The following TRAPPC3 variants were observed in gnomAD, a reference collection of about 807,000 sequenced individuals.
The protein encoded by TRAPPC3 is trafficking protein particle complex subunit 3.
In TRAPPC3, 5 loss-of-function variants were observed where a neutral mutation model predicts 18.2. The observed-to-expected ratio is 0.28, with a 90% CI of 0.14 to 0.58. The LOEUF (loss-of-function observed/expected upper bound fraction) is 0.58, where lower values mean the gene tolerates loss of function less well. Among genes scored for constraint, TRAPPC3 ranks in the 20% least tolerant of loss-of-function variants. TRAPPC3 has a pLI of 0.91. For synonymous variants in TRAPPC3, 65 were observed against 84.2 expected, an observed-to-expected ratio of 0.77 and a Z score of 1.25; for missense variants, 176 against 225.9, an observed-to-expected ratio of 0.78 and a Z score of 1.41.
chr1:36,143,696 G>A (rs1326982625), intron 1 of TRAPPC3, among the ~76,000 whole-genome samples: 1 of 152,172 alleles, frequency 6.6e-6, no homozygotes, highest in East Asian at 1.9e-4. Context: ...GAGGTTAGCA[G>A]AACAAATATT....
chr1:36,137,336 G>A lies in TRAPPC3; in HGVS notation c.424-14C>T, dbSNP rs764572529. The A allele has an allele frequency of 1.2e-5, 20 of 1,605,046 alleles. No individual in the cohort carries two copies. The highest frequency in any genetic ancestry group is 1.7e-5 in the Non-Finnish European group (20 of 1,172,508). On this transcript the variant is annotated splice_polypyrimidine_tract_variant and intron_variant, in intron 4 of 4. Coordinates refer to ENST00000373166, the MANE Select transcript of TRAPPC3 (RefSeq NM_014408.5). ...AGCCATCTGGACCTGGGGGACAGTG[G>A]GAAAACGAAGGGGTAGCTGCCTGGC...
At chr1:36,139,858 A>C in intron 2 of TRAPPC3, 39 bp from the exon 3 acceptor site, 1 of 1,611,450 alleles carries the variant, frequency 6.2e-7, no homozygotes, top group Non-Finnish European at 8.5e-7. Flanking sequence ...GATGGAGTCT[A>C]AATGTCTTAT....
chr1:36,142,599 C>G (rs920388047), intron 1 of TRAPPC3, among the ~76,000 whole-genome samples: 1 of 152,148 alleles, frequency 6.6e-6, no homozygotes, highest in Admixed American at 6.6e-5. Context: ...CCTGGGATCT[C>G]GGAATGGGAT....
chr1:36,151,158 G>A (rs933722179), upstream of TRAPPC3, among the ~76,000 whole-genome samples: 1 of 152,168 alleles, frequency 6.6e-6, no homozygotes, highest in African/African-American at 2.4e-5. Context: ...CATTAGTCCT[G>A]AATGAACAGT....
upstream of TRAPPC3, among the ~76,000 whole-genome samples, chr1:36,150,068 G>T (rs2231304): frequency 1.3e-5 from 2 of 152,190 alleles, no homozygotes; most frequent in Admixed American, 1.3e-4. Flanking sequence ...AGTCTTTTAG[G>T]TAAAGTTCAA....
intron 2 of TRAPPC3, 27 bp downstream of exon 2, chr1:36,140,042 G>C: frequency 6.4e-7 from 1 of 1,561,620 alleles, no homozygotes. Flanking sequence ...CCCCATTTCT[G>C]TCTCTCCTAT....
chr1:36,139,886 T>C, intron 2 of TRAPPC3, 67 bp from the exon 3 acceptor site: 1 of 1,590,444 alleles, frequency 6.3e-7, no homozygotes, highest in Admixed American at 1.8e-5. Flanking sequence ...CATAAGGTTG[T>C]TGGTGGTAAA....
chr1:36,137,559 G>A (rs1644043365), intron 4 of TRAPPC3: 2 of 636,112 alleles, frequency 3.1e-6, no homozygotes, highest in Admixed American at 3.0e-5. Context: ...GCCTATCTGA[G>A]AATGGATGTT....
At chr1:36,154,506 G>A (rs1447464541), upstream of TRAPPC3, among the ~76,000 whole-genome samples, 1 of 152,204 alleles carries the variant, frequency 6.6e-6, no homozygotes, top group Non-Finnish European at 1.5e-5. Flanking sequence ...AGCTCTGGAA[G>A]AGGCAGGCTG....
chr1:36,137,631 T>C (rs1000030864), intron 4 of TRAPPC3, 165 bp downstream of exon 4: 3 of 755,088 alleles, frequency 4.0e-6, no homozygotes, highest in South Asian at 1.9e-5. Flanking sequence ...AGTATCACCA[T>C]GTAAAGATGT....
chr1:36,152,896 C>T (rs1468499834), upstream of TRAPPC3, among the ~76,000 whole-genome samples: 1 of 152,188 alleles, frequency 6.6e-6, no homozygotes, highest in Non-Finnish European at 1.5e-5. Context: ...AAGTGATCTA[C>T]CTGCACTGGC....
At chr1:36,150,800 G>C (rs1291577050), upstream of TRAPPC3, among the ~76,000 whole-genome samples, 1 of 152,218 alleles carries the variant, frequency 6.6e-6, no homozygotes, top group Non-Finnish European at 1.5e-5. Flanking sequence ...GGGTTGGTTG[G>C]GGTTGGGGGA....
At chr1:36,151,042 T>A (rs1258351618), upstream of TRAPPC3, among the ~76,000 whole-genome samples, 1 of 151,980 alleles carries the variant, frequency 6.6e-6, no homozygotes, top group Non-Finnish European at 1.5e-5. Flanking sequence ...CTAGAGAGAG[T>A]GGAGGTGGAG....
In TRAPPC3 at chr1:36,144,748, G is replaced by A. The variant is rs151057035; in HGVS notation, c.43-4582C>T. Among the ~76,000 whole-genome samples, 88 of 152,300 alleles carry A rather than the reference G, an allele frequency of 5.8e-4. 1 individual carries two copies. The East Asian group carries it at 9.6e-3, about 17-fold the overall frequency. ...GCCTCAATCTTCTAACTCAAAAAAA[G>A]TAACAGTAAAACAGTAAAATCTGTC... On this transcript the variant is annotated intron_variant, in intron 1 of 4. Coordinates refer to ENST00000373166, the MANE Select transcript of TRAPPC3 (RefSeq NM_014408.5).
Position 36,149,358 on chromosome 1 carries a change from A to G in TRAPPC3, c.21T>C (p.Arg7=), listed in dbSNP as rs767503703. The G allele has an allele frequency of 1.5e-4, 239 of 1,612,760 alleles. No homozygotes were observed. The highest frequency in any genetic ancestry group is 1.7e-4 in the Non-Finnish European group (197 of 1,179,638). The change falls in exon 1 of 5, where the codon CGT becomes CGC. Residue 7 remains arginine (R), a synonymous_variant. Transcript: ENST00000373166. MSRQAN[R]GTESKKMSSE... ...TTACCATTTTCTTGCTCTCGGTGCC[A>G]CGGTTCGCCTGCCTCGACATGGTGC...
chr1:36,141,718 G>A (rs1644110177), intron 1 of TRAPPC3, among the ~76,000 whole-genome samples: 1 of 151,938 alleles, frequency 6.6e-6, no homozygotes. Context: ...CCAGCACTTT[G>A]GAAGTCCGAG....
At chr1:36,154,406 GAGA>G (rs1644298003), upstream of TRAPPC3, among the ~76,000 whole-genome samples, 1 of 152,122 alleles carries the variant, frequency 6.6e-6, no homozygotes, top group Non-Finnish European at 1.5e-5. Context: ...TGGGAGGTGG[GAGA>G]AGAACCATTC....
At chr1:36,137,348 G>A (rs1049095001) in intron 4 of TRAPPC3, 26 bp from the exon 5 acceptor site, 11 of 1,597,660 alleles carry the variant, frequency 6.9e-6, no homozygotes, top group Non-Finnish European at 9.4e-6. Flanking sequence ...AAAACGAAGG[G>A]GTAGCTGCCT....
chr1:36,152,263 C>CG (rs1644276594), upstream of TRAPPC3, among the ~76,000 whole-genome samples: 2 of 151,562 alleles, frequency 1.3e-5, no homozygotes, highest in East Asian at 3.9e-4. Context: ...TTCTTCCCCT[C>CG]GGGGAAACAG....
Sources: gnomAD v4.1 joint callset for allele counts (sites outside exome capture counted in the v4.1 genomes callset) on GRCh38, gnomAD v4.1.1 for gene constraint, MANE v1.5 for transcripts, NCBI Gene and HGNC (gene_info 2026-07-23, HGNC 2026-07-21) for gene names.